R3HDM1: variants seen among roughly 807,000 people sequenced by gnomAD.
The protein encoded by R3HDM1 is R3H domain-containing protein 1.
A neutral mutation model predicts 141.1 loss-of-function variants in R3HDM1; 46 were observed. The ratio of observed to expected loss-of-function variants is 0.33; its 90% CI spans 0.26 to 0.42. R3HDM1 has a LOEUF of 0.42. Ranked by LOEUF, R3HDM1 falls within the 10% of genes least tolerant of loss-of-function variation. The pLI is 1.00. For missense variants in R3HDM1, 1,184 were observed against 1,368.3 expected (o/e 0.87, Z 2.12); for synonymous variants, 435 against 472.9 (o/e 0.92, Z 1.04).
chr2:135,606,639 T>G (rs1452232665), intron 3 of R3HDM1: 1 of 150,476 alleles, frequency 6.6e-6, no homozygotes, highest in Non-Finnish European at 1.5e-5. Context: ...TGCGCGCACC[T>G]ATAGTCCCAG....
rs566019678 is a variant in R3HDM1, at chr2:135,602,485, T to G, written c.-249-15T>G. On this transcript the variant is annotated splice_polypyrimidine_tract_variant and intron_variant, in intron 1 of 26. Coordinates refer to ENST00000683871, the MANE Select transcript of R3HDM1 (RefSeq NM_001378107.1). ...GGCCATTTTGTTAAAATGGTTTCTTTTGTTTTCATTTTAGGCCACGGAAAG... is the reference window on the plus strand; with the variant it reads ...GGCCATTTTGTTAAAATGGTTTCTTGTGTTTTCATTTTAGGCCACGGAAAG... 10 of 1,263,172 alleles carry G rather than the reference T, an allele frequency of 7.9e-6. No homozygotes were observed. Among genetic ancestry groups the G allele is most frequent in the Non-Finnish European group, 1.0e-6 (1 of 994,168 alleles). 78.2% of individuals were successfully genotyped at this position (1,263,172 alleles called of 1,614,324 possible).
At chr2:135,689,488 G>A (rs2071964390) in intron 21 of R3HDM1, among the ~76,000 whole-genome samples, 1 of 152,130 alleles carries the variant, frequency 6.6e-6, no homozygotes, top group South Asian at 2.1e-4. Context: ...AGATTATAAG[G>A]AATAAGATTC....
intron 3 of R3HDM1, among the ~76,000 whole-genome samples, chr2:135,612,363 A>G (rs2060626186): frequency 6.6e-6 from 1 of 152,182 alleles, no homozygotes; most frequent in African/African-American, 2.4e-5. Flanking sequence ...TCTTCATAAC[A>G]ATTATTAATT....
chr2:135,590,760 G>C, intron 1 of R3HDM1: 4 of 975,002 alleles, frequency 4.1e-6, no homozygotes, highest in Non-Finnish European at 4.9e-6. Flanking sequence ...TTTGCACTTT[G>C]TTGTACACAT....
intron 1 of R3HDM1, among the ~76,000 whole-genome samples, chr2:135,535,661 T>TA (rs1474495073): frequency 6.6e-6 from 1 of 152,134 alleles, no homozygotes; most frequent in East Asian, 1.9e-4. Flanking sequence ...TGTTTAGTAA[T>TA]ACGGACATGT....
intron 18 of R3HDM1, among the ~76,000 whole-genome samples, chr2:135,655,739 C>T (rs2065789737): frequency 6.6e-6 from 1 of 152,046 alleles, no homozygotes; most frequent in Non-Finnish European, 1.5e-5. Context: ...CGTGATCCGC[C>T]CGCCTCGGCC....
At chr2:135,672,694 A>G (rs1166869295) in intron 19 of R3HDM1, among the ~76,000 whole-genome samples, 2 of 152,074 alleles carry the variant, frequency 1.3e-5, no homozygotes, top group South Asian at 2.1e-4. Flanking sequence ...TTTCATGTCA[A>G]ATTTTCAAAA....
At chr2:135,586,781 G>A (rs1316448156) in intron 1 of R3HDM1, 4 of 984,916 alleles carry the variant, frequency 4.1e-6, no homozygotes, top group Non-Finnish European at 4.8e-6. Flanking sequence ...GTAACTTACT[G>A]ATAGAATGGT....
chr2:135,624,320 G>T (rs943794301), intron 7 of R3HDM1, among the ~76,000 whole-genome samples: 1 of 151,764 alleles, frequency 6.6e-6, no homozygotes, highest in Non-Finnish European at 1.5e-5. Flanking sequence ...GTGTAAACCC[G>T]GGAGGCAGAG....
At chr2:135,717,456 C>T (rs2076278986) in intron 24 of R3HDM1, among the ~76,000 whole-genome samples, 1 of 151,924 alleles carries the variant, frequency 6.6e-6, no homozygotes, top group Admixed American at 6.6e-5. Context: ...TGCACTCCAG[C>T]CTGGGCAACA....
At chr2:135,592,747 T>C (rs1709578986) in intron 1 of R3HDM1, among the ~76,000 whole-genome samples, 1 of 151,660 alleles carries the variant, frequency 6.6e-6, no homozygotes. Context: ...TAGTTTTTTA[T>C]TATTTTTTTT....
chr2:135,579,760 C>T (rs1362364969), intron 1 of R3HDM1, among the ~76,000 whole-genome samples: 4 of 152,088 alleles, frequency 2.6e-5, no homozygotes, highest in African/African-American at 9.7e-5. Flanking sequence ...AATCATGAAA[C>T]TGGTGGTGTT....
intron 18 of R3HDM1, 51 bp downstream of exon 18, chr2:135,652,083 TC>T: frequency 1.3e-6 from 2 of 1,510,978 alleles, no homozygotes; most frequent in Non-Finnish European, 1.8e-6. Context: ...TCACTTAAGA[TC>T]AGTTTTAACT....
chr2:135,534,051 T>C (rs1331078521), intron 1 of R3HDM1: 2 of 982,938 alleles, frequency 2.0e-6, no homozygotes, highest in African/African-American at 3.5e-5. Flanking sequence ...TACTGAAGAG[T>C]ACCATGGGTG....
chr2:135,574,558 A>G (rs1451189123), intron 1 of R3HDM1, among the ~76,000 whole-genome samples: 1 of 152,254 alleles, frequency 6.6e-6, no homozygotes, highest in Non-Finnish European at 1.5e-5. Context: ...GCTATAAATC[A>G]GCATCCCATA....
At chr2:135,569,386 G>A (rs1703536559) in intron 1 of R3HDM1, among the ~76,000 whole-genome samples, 1 of 152,002 alleles carries the variant, frequency 6.6e-6, no homozygotes, top group South Asian at 2.1e-4. Context: ...GGGAGGCTGA[G>A]GCAGGAGAAT....
intron 1 of R3HDM1, chr2:135,550,024 G>A: frequency 1.0e-6 from 1 of 977,392 alleles, no homozygotes; most frequent in East Asian, 1.1e-4. Flanking sequence ...CTTTTGGAAT[G>A]GCAGTTTATA....
chr2:135,686,197 G>A (rs1040365569), intron 21 of R3HDM1, among the ~76,000 whole-genome samples: 1 of 152,112 alleles, frequency 6.6e-6, no homozygotes, highest in East Asian at 1.9e-4. Context: ...GTGGAAAAAA[G>A]GGAACCCTTG....
At chr2:135,612,182 G>C (rs1246654144) in intron 3 of R3HDM1, among the ~76,000 whole-genome samples, 4 of 152,172 alleles carry the variant, frequency 2.6e-5, no homozygotes, top group African/African-American at 9.6e-5. Context: ...TTAGCATCCT[G>C]GCATCCATTA....
Sources: gnomAD v4.1 joint callset for allele counts (sites outside exome capture counted in the v4.1 genomes callset) on GRCh38, gnomAD v4.1.1 for gene constraint, MANE v1.5 for transcripts, NCBI Gene and HGNC (gene_info 2026-07-23, HGNC 2026-07-21) for gene names.